Variants in CEMIP2 observed in about 807,000 individuals in gnomAD.
The protein encoded by CEMIP2 is cell migration inducing hyaluronidase 2, also known as cell surface hyaluronidase CEMIP2.
CEMIP2 carries 79 observed loss-of-function variants against 146.9 expected under a neutral mutation model. That is an observed-to-expected ratio of 0.54 (90% CI 0.45 to 0.65). The LOEUF (loss-of-function observed/expected upper bound fraction) is 0.65. CEMIP2 is among the 30% of genes least tolerant of loss of function. The probability of loss-of-function intolerance (pLI) is 0.00; values close to 1 mark genes in which losing one functional copy is unlikely to be tolerated. For synonymous variants in CEMIP2, 601 were observed against 606.3 expected (o/e 0.99, Z 0.13); for missense variants, 1,596 against 1,696.2 (o/e 0.94, Z 1.04).
rs1823004674 is a variant in CEMIP2 at position 71,714,963 on chromosome 9, G to T, written c.2562C>A (p.Asp854Glu). ...TCCTGGGTAATGTTCGAGGCTTCTG[G>T]TCTATTCCTCCAGTGCCTACATACT... ...QNKYVGTGGIDQKPRTLPRNR... is the reference protein window; with the variant it reads ...QNKYVGTGGIEQKPRTLPRNR... Residue 854 changes from aspartate to glutamate, a missense_variant, in exon 15 of 24, where the codon GAC becomes GAA. Coordinates refer to ENST00000377044, the MANE Select transcript of CEMIP2 (RefSeq NM_013390.3). 6.2e-7 allele frequency: 1 copy of T among 1,613,744 alleles called. No individual in the cohort carries two copies. Among genetic ancestry groups the T allele is most frequent in the East Asian group, 2.2e-5 (1 of 44,852 alleles).
chr9:71,756,191 C>CTAGATAGATAGATAGATAGA (rs144371815), intron 1 of CEMIP2, among the ~76,000 whole-genome samples: 11,865 of 128,436 alleles, frequency 0.092, 786 homozygotes, highest in South Asian at 0.14. Context: ...AGCAAAAATG[C>CTAGATAGATAGATAGATAGA]TAGATAGATA....
At chr9:71,755,243 G>A (rs895099924) in intron 1 of CEMIP2, among the ~76,000 whole-genome samples, 2 of 148,086 alleles carry the variant, frequency 1.4e-5, no homozygotes, top group Non-Finnish European at 3.0e-5. Context: ...AAGCAAGGTG[G>A]CTCACACCTG....
intron 15 of CEMIP2, chr9:71,712,508 A>T: frequency 2.9e-6 from 1 of 348,188 alleles, no homozygotes; most frequent in Non-Finnish European, 5.2e-6. Context: ...ATTATCATAG[A>T]TTGGGTGGGG....
At chr9:71,752,890 GT>G (rs1339307765) in intron 1 of CEMIP2, among the ~76,000 whole-genome samples, 1 of 152,122 alleles carries the variant, frequency 6.6e-6, no homozygotes, top group Non-Finnish European at 1.5e-5. Context: ...CATTCTCAGA[GT>G]CAGTGTTTCT....
intron 10 of CEMIP2, among the ~76,000 whole-genome samples, chr9:71,727,217 C>T (rs771119129): frequency 1.3e-5 from 2 of 152,124 alleles, no homozygotes; most frequent in African/African-American, 4.8e-5. Context: ...CATGAACTCT[C>T]GGCAATTTGC....
chr9:71,692,365 ATC>A (rs10683725), intron 21 of CEMIP2, among the ~76,000 whole-genome samples: 1,572 of 90,308 alleles, frequency 0.017, 31 homozygotes, highest in African/African-American at 0.056. Context: ...TCTACCCCCC[ATC>A]TCTCTCTCTC....
At chr9:71,700,967 G>T in intron 18 of CEMIP2, 143 bp from the exon 19 acceptor site, 1 of 710,130 alleles carries the variant, frequency 1.4e-6, no homozygotes, top group Non-Finnish European at 2.2e-6. Flanking sequence ...TTTCTTCTGT[G>T]TGTTGGGCCA....
chr9:71,704,487 T>G, intron 18 of CEMIP2, 108 bp downstream of exon 18: 1 of 1,116,320 alleles, frequency 9.0e-7, no homozygotes. Context: ...AAGCAAAGTA[T>G]GTAAAATTGG....
Position 71,728,066 on chromosome 9 carries a change from A to G in CEMIP2, c.2049+1779T>C, listed in dbSNP as rs986076662. Among the ~76,000 whole-genome samples, 4 of 150,014 alleles carry G rather than the reference A, an allele frequency of 2.7e-5. No individual in the cohort carries two copies. The South Asian group carries it at 8.4e-4, about 32-fold the overall frequency. On this transcript the variant is annotated intron_variant, in intron 10 of 23. Coordinates refer to ENST00000377044, the MANE Select transcript of CEMIP2 (RefSeq NM_013390.3). ...ACAGAGCGAGACTTCACCTCAAAAA[A>G]ACAAAAAGATTCATTTAGCCTGAGT...
chr9:71,724,398 ATTAAC>A (rs1823324735), intron 11 of CEMIP2, among the ~76,000 whole-genome samples: 1 of 152,246 alleles, frequency 6.6e-6, no homozygotes, highest in African/African-American at 2.4e-5. Context: ...TTCAATAAAC[ATTAAC>A]TTAATCAACT....
In CEMIP2 at chr9:71,698,198, C is replaced by T. The variant is rs776238839; in HGVS notation, c.3384G>A (p.Leu1128=). ...GGCTTTTGGCTTTGAGATACAAAAA[C>T]AGTAACCTGCACAAAACAGAAACCA... is the stretch of plus-strand genomic sequence containing the variant. ...KFYFDSSTGL[L]FLYLKAKSHR... The change falls in exon 20 of 24, where the codon CTG becomes CTA. Residue 1128 remains leucine (L), a synonymous_variant. Coordinates refer to ENST00000377044, the MANE Select transcript of CEMIP2 (RefSeq NM_013390.3). 1.2e-5 allele frequency: 19 copies of T among 1,613,878 alleles called. No homozygotes were observed. Among genetic ancestry groups the T allele is most frequent in the Non-Finnish European group, 1.6e-5 (19 of 1,179,926 alleles).
intron 1 of CEMIP2, among the ~76,000 whole-genome samples, chr9:71,751,680 A>G (rs542994463): frequency 6.6e-6 from 1 of 152,312 alleles, no homozygotes; most frequent in South Asian, 2.1e-4. Context: ...AAAAAAATAT[A>G]TCTTGGCAGG....
chr9:71,731,459 GGGTACAGT>G (rs1185320777), intron 7 of CEMIP2, among the ~76,000 whole-genome samples: 1 of 152,096 alleles, frequency 6.6e-6, no homozygotes, highest in African/African-American at 2.4e-5. Flanking sequence ...GTAACAGGCG[GGGTACAGT>G]GGCTCACACC....
At chr9:71,700,483 G>A (rs138864217) in intron 19 of CEMIP2, among the ~76,000 whole-genome samples, 159 bp downstream of exon 19, 42 of 151,316 alleles carry the variant, frequency 2.8e-4, no homozygotes, top group African/African-American at 1.5e-4. Flanking sequence ...CTATAATTAC[G>A]AGCCATTCTA....
rs1212999543 is a variant in CEMIP2 at position 71,684,835 on chromosome 9, G to C, written c.*362C>G. On this transcript the variant is annotated 3_prime_UTR_variant, in exon 24 of 24. Transcript: ENST00000377044. Reference sequence around the variant, plus strand: ...AAGTATCCAAGGTGCTACAATAGCTGGTCCTCTAAAGACCTCAGGCTGACT... The same window carrying C: ...AAGTATCCAAGGTGCTACAATAGCTCGTCCTCTAAAGACCTCAGGCTGACT... 5.5e-6 allele frequency: 1 copy of C among 181,966 alleles called. No individual in the cohort carries two copies. Among genetic ancestry groups the C allele is most frequent in the Non-Finnish European group, 1.1e-5 (1 of 88,164 alleles). 11.3% of individuals were successfully genotyped at this position (181,966 alleles called of 1,614,324 possible). A position where few individuals can be genotyped will look rare whatever the true frequency, so the allele number is the denominator to read the frequency against.
At chr9:71,747,325 C>A (rs1824119972) in intron 2 of CEMIP2, among the ~76,000 whole-genome samples, 1 of 152,082 alleles carries the variant, frequency 6.6e-6, no homozygotes, top group Non-Finnish European at 1.5e-5. Flanking sequence ...GGAAAAAACA[C>A]CAAGTATGAA....
In CEMIP2 at chr9:71,725,725, CA is replaced by C. The variant is rs761724039; in HGVS notation, c.2050-17del. On this transcript the variant is annotated splice_polypyrimidine_tract_variant and intron_variant, in intron 10 of 23. Coordinates refer to ENST00000377044, the MANE Select transcript of CEMIP2 (RefSeq NM_013390.3). ...TTCCAGCATCCTACAAATGAAAGGA[CA>C]AGCCCATTAAAAGCCTAATTTATAC... The C allele has an allele frequency of 6.2e-7, 1 of 1,608,812 alleles. No homozygotes were observed. The highest frequency in any genetic ancestry group is 8.5e-7 in the Non-Finnish European group (1 of 1,177,884).
intron 17 of CEMIP2, 143 bp from the exon 18 acceptor site, chr9:71,704,946 T>C (rs1323353464): frequency 2.8e-6 from 2 of 708,990 alleles, no homozygotes; most frequent in Admixed American, 2.6e-5. Flanking sequence ...AGCAGCCAAC[T>C]ACATCCTCAG....
chr9:71,746,974 A>C (rs931598295), intron 2 of CEMIP2, among the ~76,000 whole-genome samples: 1 of 152,244 alleles, frequency 6.6e-6, no homozygotes, highest in Non-Finnish European at 1.5e-5. Context: ...AAGATTACTT[A>C]GCAAGCTGAG....
Sources: gnomAD v4.1 joint callset for allele counts (sites outside exome capture counted in the v4.1 genomes callset) on GRCh38, gnomAD v4.1.1 for gene constraint, MANE v1.5 for transcripts, NCBI Gene and HGNC (gene_info 2026-07-23, HGNC 2026-07-21) for gene names.